EPB41L2: variants seen among roughly 807,000 people sequenced by gnomAD.
EPB41L2 encodes band 4.1-like protein 2.
In EPB41L2, 43 loss-of-function variants were observed where a neutral mutation model predicts 113.0. The ratio of observed to expected loss-of-function variants is 0.38; its 90% confidence interval spans 0.30 to 0.49. The LOEUF (loss-of-function observed/expected upper bound fraction) is 0.49, where lower values mean the gene tolerates loss of function less well. EPB41L2 is among the 20% of genes least tolerant of loss of function. The probability of loss-of-function intolerance (pLI) is 0.95; values close to 1 mark genes in which losing one functional copy is unlikely to be tolerated. For missense variants in EPB41L2, 1,147 were observed against 1,223.4 expected, an observed-to-expected ratio of 0.94 and a Z score of 0.93; for synonymous variants, 442 against 436.7, an observed-to-expected ratio of 1.01 and a Z score of -0.15.
intron 3 of EPB41L2, 152 bp from the exon 4 acceptor site, chr6:130,926,861 T>A (rs1192862103): frequency 7.0e-6 from 4 of 570,568 alleles, no homozygotes; most frequent in Non-Finnish European, 1.2e-5. Flanking sequence ...GATTAATTTT[T>A]TAACTTTAGC....
chr6:131,000,054 T>C (rs535835639), intron 1 of EPB41L2, among the ~76,000 whole-genome samples: 1 of 152,336 alleles, frequency 6.6e-6, no homozygotes, highest in East Asian at 1.9e-4. Flanking sequence ...CCAAATATAC[T>C]TTCCTCTTGT....
chr6:130,986,861 C>G (rs1383868303), intron 1 of EPB41L2, among the ~76,000 whole-genome samples: 2 of 152,110 alleles, frequency 1.3e-5, no homozygotes, highest in Admixed American at 1.3e-4. Context: ...TGATTTTGAT[C>G]TCATTAAAGA....
chr6:130,903,455 C>G (rs1796854923), intron 6 of EPB41L2, among the ~76,000 whole-genome samples: 1 of 151,416 alleles, frequency 6.6e-6, no homozygotes, highest in Non-Finnish European at 1.5e-5. Flanking sequence ...AAATTTCCAT[C>G]CTTGCTATTT....
chr6:130,850,002 G>A (rs1383241743), intron 19 of EPB41L2, among the ~76,000 whole-genome samples: 4 of 152,146 alleles, frequency 2.6e-5, no homozygotes. Flanking sequence ...GGGAAGCCAA[G>A]GCGGGTGGAT....
At chr6:130,840,829 G>A (rs1270657446) in intron 19 of EPB41L2, among the ~76,000 whole-genome samples, 2 of 152,108 alleles carry the variant, frequency 1.3e-5, no homozygotes, top group East Asian at 3.9e-4. Flanking sequence ...GAAGCAACTG[G>A]CAAATAAGAG....
intron 4 of EPB41L2, among the ~76,000 whole-genome samples, chr6:130,923,381 C>T (rs950129031): frequency 6.6e-6 from 1 of 152,166 alleles, no homozygotes; most frequent in Non-Finnish European, 1.5e-5. Flanking sequence ...AAGGAAATGT[C>T]CCAAGCCTTA....
intron 1 of EPB41L2, among the ~76,000 whole-genome samples, chr6:130,987,647 C>T (rs2020972): frequency 0.052 from 7,943 of 151,844 alleles, 292 homozygotes; most frequent in Non-Finnish European, 0.075. Flanking sequence ...AAGCCGAGAT[C>T]GTGCCACAGA....
intron 1 of EPB41L2, among the ~76,000 whole-genome samples, chr6:131,022,878 A>G (rs756019024): frequency 1.3e-5 from 2 of 152,230 alleles, no homozygotes; most frequent in Admixed American, 6.5e-5. Flanking sequence ...GTAATCAAAC[A>G]TGTTTCTGGA....
intron 1 of EPB41L2, among the ~76,000 whole-genome samples, chr6:131,001,852 CT>C: frequency 6.6e-6 from 1 of 152,070 alleles, no homozygotes; most frequent in East Asian, 1.9e-4. Context: ...AGCTTCAATT[CT>C]TCCCTCAAGA....
At chr6:130,845,865 G>A (rs1164015053) in intron 19 of EPB41L2, among the ~76,000 whole-genome samples, 1 of 152,194 alleles carries the variant, frequency 6.6e-6, no homozygotes, top group Non-Finnish European at 1.5e-5. Flanking sequence ...GCATACAGAA[G>A]TACAACAATG....
chr6:130,990,246 G>A (rs909752075), intron 1 of EPB41L2, among the ~76,000 whole-genome samples: 13 of 151,978 alleles, frequency 8.6e-5, no homozygotes, highest in African/African-American at 2.9e-4. Context: ...GCTGGAACCT[G>A]GGAGGCAGAG....
chr6:130,953,899 G>C (rs949435992), intron 3 of EPB41L2, among the ~76,000 whole-genome samples: 65 of 152,008 alleles, frequency 4.3e-4, no homozygotes, highest in Non-Finnish European at 3.2e-4. Context: ...CCTTGATCTG[G>C]GACTTCCTAG....
chr6:130,890,367 G>A lies in EPB41L2; in HGVS notation c.1587C>T (p.Ser529=). The change falls in exon 11 of 20, where the codon AGC becomes AGT. Residue 529 remains serine (S), a synonymous_variant. Transcript: ENST00000337057. ...GRTQAQTRQA[S]TLIDRPAPHF... ...GTGGTGCTGGCCTATCTATGAGGGTGCTGGCCTGGCGGGTCTGTGCTTGGG... is the reference window on the plus strand; with the variant it reads ...GTGGTGCTGGCCTATCTATGAGGGTACTGGCCTGGCGGGTCTGTGCTTGGG... 6.2e-7 allele frequency: 1 copy of A among 1,613,796 alleles called. No individual in the cohort carries two copies. Among genetic ancestry groups the A allele is most frequent in the Non-Finnish European group, 8.5e-7 (1 of 1,179,902 alleles).
chr6:130,867,972 A>ACACACACT (rs1480502040), intron 15 of EPB41L2: 94 of 75,544 alleles, frequency 1.2e-3, no homozygotes, highest in Admixed American at 3.1e-3. Context: ...ACACACACAC[A>ACACACACT]CTCTCTCTCT....
At chr6:130,907,009 G>T (rs1797928812) in intron 5 of EPB41L2, among the ~76,000 whole-genome samples, 1 of 152,032 alleles carries the variant, frequency 6.6e-6, no homozygotes, top group Non-Finnish European at 1.5e-5. Flanking sequence ...ATAAGAACAT[G>T]ATTCATAATC....
At chr6:130,891,665 G>T (rs529135653) in intron 10 of EPB41L2, among the ~76,000 whole-genome samples, 1 of 152,186 alleles carries the variant, frequency 6.6e-6, no homozygotes, top group South Asian at 2.1e-4. Context: ...GGTCAGGCTG[G>T]TCTCAAACTC....
At chr6:130,954,339 C>A (rs1305005659) in intron 3 of EPB41L2, among the ~76,000 whole-genome samples, 1 of 152,084 alleles carries the variant, frequency 6.6e-6, no homozygotes, top group African/African-American at 2.4e-5. Context: ...AGGCTTGAGC[C>A]ACCGCACCCA....
At chr6:130,961,883 G>A (rs1773648535) in intron 1 of EPB41L2, among the ~76,000 whole-genome samples, 1 of 152,208 alleles carries the variant, frequency 6.6e-6, no homozygotes, top group Non-Finnish European at 1.5e-5. Context: ...AGAGGATGGA[G>A]GGAGGCTTTC....
chr6:131,034,258 A>G (rs1792835432), intron 1 of EPB41L2, among the ~76,000 whole-genome samples: 1 of 152,126 alleles, frequency 6.6e-6, no homozygotes, highest in Non-Finnish European at 1.5e-5. Context: ...ACCAATAAAC[A>G]TATTGGGGGT....
Sources: gnomAD v4.1 joint callset for allele counts (sites outside exome capture counted in the v4.1 genomes callset) on GRCh38, gnomAD v4.1.1 for gene constraint, MANE v1.5 for transcripts, NCBI Gene and HGNC (gene_info 2026-07-23, HGNC 2026-07-21) for gene names.